The following TENM4 variants were observed in gnomAD, a reference collection of about 807,000 sequenced individuals.
The protein encoded by TENM4 is teneurin transmembrane protein 4.
TENM4 carries 82 observed loss-of-function variants against 243.3 expected under a neutral mutation model. The observed-to-expected ratio is 0.34, with a 90% CI of 0.28 to 0.40. The LOEUF is 0.40. Ranked by LOEUF, TENM4 falls within the 10% of genes least tolerant of loss-of-function variation. The probability of loss-of-function intolerance (pLI) is 1.00; values close to 1 mark genes in which losing one functional copy is unlikely to be tolerated. For synonymous variants in TENM4, 1,412 were observed against 1,456.3 expected, an observed-to-expected ratio of 0.97 and a Z score of 0.69; for missense variants, 3,138 against 3,673.3, an observed-to-expected ratio of 0.85 and a Z score of 3.77.
intron 1 of TENM4, among the ~76,000 whole-genome samples, chr11:79,382,138 C>T (rs1043199847): frequency 1.3e-4 from 20 of 152,282 alleles, no homozygotes; most frequent in African/African-American, 3.9e-4. Flanking sequence ...CAGGGAGTTG[C>T]CCAAGGACAC....
intron 2 of TENM4, among the ~76,000 whole-genome samples, chr11:79,224,827 T>C (rs1864231777): frequency 6.6e-6 from 1 of 152,058 alleles, no homozygotes; most frequent in South Asian, 2.1e-4. Context: ...GGCGCATGCC[T>C]GTAATCTCAG....
intron 3 of TENM4, among the ~76,000 whole-genome samples, 177 bp downstream of exon 3, chr11:79,215,631 G>T (rs1864037170): frequency 6.6e-6 from 1 of 152,168 alleles, no homozygotes; most frequent in African/African-American, 2.4e-5. Context: ...TACTGCATCT[G>T]TTCCCGGAGA....
chr11:78,990,527 T>TA (rs1202265198), intron 6 of TENM4, among the ~76,000 whole-genome samples: 2 of 152,122 alleles, frequency 1.3e-5, no homozygotes, highest in African/African-American at 4.8e-5. Context: ...GAGGATGATC[T>TA]AAATATACTG....
chr11:79,076,572 C>A (rs962717000), intron 4 of TENM4, among the ~76,000 whole-genome samples: 1 of 152,132 alleles, frequency 6.6e-6, no homozygotes, highest in Non-Finnish European at 1.5e-5. Flanking sequence ...TCCCACAACA[C>A]GTGGGAATTC....
intron 12 of TENM4, among the ~76,000 whole-genome samples, chr11:78,818,067 C>T (rs1013230519): frequency 1.3e-5 from 2 of 152,034 alleles, no homozygotes; most frequent in Non-Finnish European, 2.9e-5. Context: ...TATGTATTTG[C>T]CCTGGTATTC....
At chr11:79,174,760 G>A (rs999252282) in intron 3 of TENM4, among the ~76,000 whole-genome samples, 10 of 152,224 alleles carry the variant, frequency 6.6e-5, no homozygotes, top group Admixed American at 3.3e-4. Flanking sequence ...TTTTGCTACA[G>A]CTATCATATT....
intron 2 of TENM4, among the ~76,000 whole-genome samples, chr11:79,241,555 G>T (rs1565264785): frequency 6.6e-6 from 1 of 152,220 alleles, no homozygotes; most frequent in African/African-American, 2.4e-5. Context: ...ACACTCTAAA[G>T]TGAGGCTTGA....
At chr11:78,924,264 C>G (rs1856510208) in intron 6 of TENM4, among the ~76,000 whole-genome samples, 1 of 152,214 alleles carries the variant, frequency 6.6e-6, no homozygotes, top group Admixed American at 6.5e-5. Context: ...CAAGGGGAAA[C>G]TGGCCTGAGT....
intron 6 of TENM4, among the ~76,000 whole-genome samples, chr11:78,923,311 CG>C (rs1307059368): frequency 6.6e-6 from 1 of 152,076 alleles, no homozygotes; most frequent in Non-Finnish European, 1.5e-5. Flanking sequence ...GTCCTGGATA[CG>C]ATGAAAGACT....
intron 4 of TENM4, among the ~76,000 whole-genome samples, chr11:79,111,504 T>C (rs1861507141): frequency 6.6e-6 from 1 of 152,106 alleles, no homozygotes; most frequent in African/African-American, 2.4e-5. Flanking sequence ...GAGATGGCGC[T>C]GCTGCACTCC....
chr11:78,921,927 G>A (rs538274488), intron 6 of TENM4, among the ~76,000 whole-genome samples: 18 of 152,322 alleles, frequency 1.2e-4, no homozygotes, highest in African/African-American at 4.3e-4. Flanking sequence ...AGAGGGAATA[G>A]CACGAATGTC....
intron 4 of TENM4, among the ~76,000 whole-genome samples, chr11:79,112,103 C>T (rs1228271419): frequency 1.3e-5 from 2 of 151,560 alleles, no homozygotes; most frequent in Non-Finnish European, 2.9e-5. Flanking sequence ...AAGTGGTCTT[C>T]TCTGCCCAGC....
At chr11:79,344,391 G>A (rs551513891) in intron 1 of TENM4, among the ~76,000 whole-genome samples, 96 of 152,264 alleles carry the variant, frequency 6.3e-4, no homozygotes, top group Middle Eastern at 3.4e-3. Flanking sequence ...GCATGCACTC[G>A]CTACTCGGGC....
chr11:79,245,847 G>A lies in TENM4; in HGVS notation c.-264-29938C>T, dbSNP rs188927400. Among the ~76,000 whole-genome samples, 36 of 149,912 alleles carry A rather than the reference G, an allele frequency of 2.4e-4. 1 individual carries two copies. The highest frequency in any genetic ancestry group is 1.1e-3 in the Admixed American group (16 of 14,996). Reference sequence around the variant, plus strand: ...CCCAGCTACTCGGGAGGTTGAGACAGGAGAATTGCTTGAACCAGGGAAGCG... The same window carrying A: ...CCCAGCTACTCGGGAGGTTGAGACAAGAGAATTGCTTGAACCAGGGAAGCG... On this transcript the variant is annotated intron_variant, in intron 2 of 33. Transcript: ENST00000278550.
chr11:78,857,755 A>T (rs1048006654), intron 10 of TENM4, among the ~76,000 whole-genome samples: 2 of 152,248 alleles, frequency 1.3e-5, no homozygotes, highest in African/African-American at 4.8e-5. Context: ...CCACGCTGTG[A>T]TTCACAAAGT....
chr11:79,089,510 G>A (rs931531751), intron 4 of TENM4, among the ~76,000 whole-genome samples: 7 of 152,190 alleles, frequency 4.6e-5, no homozygotes, highest in Non-Finnish European at 2.9e-5. Context: ...CCAGAGGGAA[G>A]TGCCCAGTCC....
At chr11:79,008,311 G>T (rs547440924) in intron 6 of TENM4, among the ~76,000 whole-genome samples, 13 of 152,304 alleles carry the variant, frequency 8.5e-5, no homozygotes, top group Non-Finnish European at 1.2e-4. Context: ...GCGGTCCCTG[G>T]TGATTGCAAA....
At chr11:79,172,585 C>T (rs945879647) in intron 3 of TENM4, among the ~76,000 whole-genome samples, 5 of 152,130 alleles carry the variant, frequency 3.3e-5, no homozygotes, top group Non-Finnish European at 5.9e-5. Context: ...TTGTGTCCTT[C>T]TCTGATTTCA....
chr11:79,301,630 C>T (rs193102558), intron 1 of TENM4, among the ~76,000 whole-genome samples: 56 of 152,282 alleles, frequency 3.7e-4, no homozygotes, highest in East Asian at 1.4e-3. Context: ...GGTTTGGATC[C>T]GAGTCCTCAC....
Sources: gnomAD v4.1 joint callset for allele counts (sites outside exome capture counted in the v4.1 genomes callset) on GRCh38, gnomAD v4.1.1 for gene constraint, MANE v1.5 for transcripts, NCBI Gene and HGNC (gene_info 2026-07-23, HGNC 2026-07-21) for gene names.